Variants in EPG5 observed in about 807,000 individuals in gnomAD.
EPG5 encodes the protein ectopic P granules protein 5 homolog.
A neutral mutation model predicts 302.7 loss-of-function variants in EPG5; 159 were observed. That is an observed-to-expected ratio of 0.53 (90% confidence interval 0.46 to 0.60). EPG5 has a LOEUF of 0.60. Among genes scored for constraint, EPG5 ranks in the 20% least tolerant of loss-of-function variants. The probability of loss-of-function intolerance (pLI) is 0.00; values close to 1 mark genes in which losing one functional copy is unlikely to be tolerated. For synonymous variants in EPG5, 1,158 were observed against 1,136.8 expected, an observed-to-expected ratio of 1.02 and a Z score of -0.37; for missense variants, 2,896 against 3,092.4, an observed-to-expected ratio of 0.94 and a Z score of 1.51.
chr18:45,944,168 C>G, intron 7 of EPG5, 49 bp from the exon 8 acceptor site: 18 of 1,166,006 alleles, frequency 1.5e-5, no homozygotes, highest in Non-Finnish European at 2.1e-5. Context: ...TCAGATCACA[C>G]TATGATCTAG....
chr18:45,900,404 C>CAAA (rs375366452), intron 26 of EPG5, among the ~76,000 whole-genome samples: 5 of 111,898 alleles, frequency 4.5e-5, no homozygotes, highest in Admixed American at 1.9e-4. Flanking sequence ...GACTCTGTCT[C>CAAA]AAAAAAAAAA....
At chr18:45,802,286 C>T in the EPG5 span, among the ~76,000 whole-genome samples, 5 of 152,190 alleles carry the variant, frequency 3.3e-5, no homozygotes, top group South Asian at 4.1e-4. Flanking sequence ...TTTGGGAGGC[C>T]GAGGCAGGTG....
chr18:45,867,503 G>A, intron 37 of EPG5, 60 bp downstream of exon 37: 1 of 1,391,392 alleles, frequency 7.2e-7, no homozygotes, highest in Non-Finnish European at 1.0e-6. Context: ...CTACGACCTA[G>A]TAGAAAGCAA....
chr18:45,911,032 C>G (rs2049880515), intron 22 of EPG5, among the ~76,000 whole-genome samples: 1 of 150,144 alleles, frequency 6.7e-6, no homozygotes, highest in Non-Finnish European at 1.5e-5. Flanking sequence ...CTGGCAAAAA[C>G]TAAAACAGAA....
chr18:45,852,595 C>A lies in EPG5; in HGVS notation c.7612G>T (p.Asp2538Tyr), dbSNP rs748731055. 3.1e-6 allele frequency: 5 copies of A among 1,614,110 alleles called. No individual in the cohort carries two copies. The highest frequency in any genetic ancestry group is 1.7e-5 in the Admixed American group (1 of 60,018). Residue 2538 changes from aspartate (D) to tyrosine (Y), a missense_variant, in exon 44 of 44, where the codon GAT (aspartate) becomes TAT (tyrosine). Physicochemically the swap from Asp to Tyr is radical, Grantham distance 160. Around this residue, in one of 5 missense-constraint regions of EPG5, gnomAD observed 620 missense variants for 704.2 expected, o/e 0.88. Coordinates refer to ENST00000282041, the MANE Select transcript of EPG5 (RefSeq NM_020964.3). ...AATTGGGTGGCTTGCAATATTTGAT[C>A]CTGGTATTCAACATACTGCTTACTT... is the stretch of plus-strand genomic sequence containing the variant. The part of the protein sequence containing the change: ...ASSKQYVEYQ[D>Y]QILQATQFIR...
the EPG5 span, among the ~76,000 whole-genome samples, chr18:45,827,550 AC>A: frequency 6.6e-6 from 1 of 152,106 alleles, no homozygotes; most frequent in Non-Finnish European, 1.5e-5. Context: ...TCTGAAGCCC[AC>A]CTCTGCTGTT....
intron 2 of EPG5, among the ~76,000 whole-genome samples, chr18:45,953,064 T>C (rs1337264708): frequency 5.3e-5 from 8 of 151,908 alleles, no homozygotes; most frequent in Non-Finnish European, 4.4e-5. Flanking sequence ...TCCCAGCTAC[T>C]CGGGAGGCTG....
intron 1 of EPG5, among the ~76,000 whole-genome samples, chr18:45,959,853 C>T (rs1356019624): frequency 1.3e-5 from 2 of 152,042 alleles, no homozygotes; most frequent in Non-Finnish European, 2.9e-5. Flanking sequence ...GTGGCAGGTG[C>T]CTGTAATCCC....
chr18:45,954,407 T>C lies in EPG5; in HGVS notation c.995A>G (p.Gln332Arg), dbSNP rs374633337. The change falls in exon 2 of 44, where the codon CAA (glutamine) becomes CGA (arginine). Residue 332 changes from glutamine (Q) to arginine (R), a missense_variant. This residue lies in a region of EPG5 where 1,390 missense variants were observed against 1,430.0 expected (regional missense o/e 0.97). Transcript: ENST00000282041. ...TGATCAAAATACCTGTACAGACATT[T>C]GTTCCTCCTTAAACTGCCACAGCCG... ...KSRLWQFKEE[Q>R]MSVQGICADQ... The C allele has an allele frequency of 3.1e-6, 5 of 1,607,134 alleles. No homozygotes were observed. The African/African-American group carries it at 6.7e-5, about 22-fold the overall frequency.
intron 27 of EPG5, among the ~76,000 whole-genome samples, chr18:45,898,917 G>C (rs1341891703): frequency 6.6e-6 from 1 of 152,148 alleles, no homozygotes; most frequent in Admixed American, 6.5e-5. Flanking sequence ...ACCAGGTCAG[G>C]AGTTCAAGAC....
chr18:45,911,925 C>T (rs888411248), intron 22 of EPG5, among the ~76,000 whole-genome samples: 17 of 152,116 alleles, frequency 1.1e-4, no homozygotes, highest in African/African-American at 3.4e-4. Context: ...TGTTCACACG[C>T]GCACCACTCA....
chr18:45,927,021 A>G (rs1162512776), intron 13 of EPG5, among the ~76,000 whole-genome samples: 1 of 150,674 alleles, frequency 6.6e-6, no homozygotes, highest in Non-Finnish European at 1.5e-5. Flanking sequence ...AGTAGCATAC[A>G]ATGTTTTTCT....
At chr18:45,809,266 A>G in the EPG5 span, among the ~76,000 whole-genome samples, 1 of 152,212 alleles carries the variant, frequency 6.6e-6, no homozygotes, top group Admixed American at 6.5e-5. Flanking sequence ...CAGCAACACA[A>G]TAATAGTGGG....
At chr18:45,825,127 T>C in the EPG5 span, among the ~76,000 whole-genome samples, 16,001 of 120,286 alleles carry the variant, frequency 0.13, 2,427 homozygotes, top group African/African-American at 0.39. Flanking sequence ...AGAAGGGAGG[T>C]AGGAAAGGAG....
intron 3 of EPG5, among the ~76,000 whole-genome samples, chr18:45,951,882 T>A (rs536003200): frequency 6.6e-6 from 1 of 152,156 alleles, no homozygotes; most frequent in East Asian, 1.9e-4. Context: ...CCCCCAGAAA[T>A]AAAAATTGCA....
At chr18:45,883,722 G>C (rs2049157331) in intron 30 of EPG5, among the ~76,000 whole-genome samples, 1 of 132,010 alleles carries the variant, frequency 7.6e-6, no homozygotes, top group Non-Finnish European at 1.5e-5. Context: ...GCCTCCAAAA[G>C]TGCTGGGATT....
chr18:45,838,036 C>T, the EPG5 span: 2 of 1,116,302 alleles, frequency 1.8e-6, no homozygotes, highest in Non-Finnish European at 2.4e-6. Context: ...CCCCAGGGAT[C>T]TCACACCTGG....
At chr18:45,820,897 A>G in the EPG5 span, among the ~76,000 whole-genome samples, 1 of 152,326 alleles carries the variant, frequency 6.6e-6, no homozygotes, top group South Asian at 2.1e-4. Flanking sequence ...GGAAAGACTC[A>G]TTACCAAGTC....
intron 24 of EPG5, 66 bp from the exon 25 acceptor site, chr18:45,904,183 A>T: frequency 6.5e-7 from 1 of 1,537,722 alleles, no homozygotes; most frequent in South Asian, 1.2e-5. Flanking sequence ...AAAACTATGT[A>T]TTTAACTATA....
Sources: gnomAD v4.1 joint callset for allele counts (sites outside exome capture counted in the v4.1 genomes callset) on GRCh38, gnomAD v4.1.1 for gene constraint, gnomAD v4.1.1 regional missense constraint, MANE v1.5 for transcripts, NCBI Gene and HGNC (gene_info 2026-07-23, HGNC 2026-07-21) for gene names.